Variants in NRXN3 observed in about 807,000 individuals in gnomAD.
NRXN3 encodes neurexin III.
In NRXN3, 32 loss-of-function variants were observed where a neutral mutation model predicts 137.6. The observed-to-expected ratio is 0.23, with a 90% confidence interval of 0.18 to 0.31. NRXN3 has a LOEUF of 0.31. NRXN3 is among the 10% of genes least tolerant of loss of function. The pLI, the probability that NRXN3 is intolerant of heterozygous loss-of-function variation, is 1.00. For synonymous variants in NRXN3, 798 were observed against 784.5 expected (o/e 1.02, Z -0.29); for missense variants, 1,574 against 2,062.5 (o/e 0.76, Z 4.59).
chr14:79,799,406 A>G (rs2099170216), intron 19 of NRXN3, among the ~76,000 whole-genome samples: 2 of 152,192 alleles, frequency 1.3e-5, no homozygotes, highest in Non-Finnish European at 2.9e-5. Flanking sequence ...TCTATAAACC[A>G]TGTGTAGTAG....
At chr14:79,516,034 C>T (rs1284633313) in intron 16 of NRXN3, among the ~76,000 whole-genome samples, 3 of 152,148 alleles carry the variant, frequency 2.0e-5, no homozygotes, top group African/African-American at 7.2e-5. Context: ...TAAACTGCCC[C>T]TAGAGAAAGA....
At chr14:78,614,066 T>A (rs977005918) in intron 4 of NRXN3, among the ~76,000 whole-genome samples, 1 of 152,194 alleles carries the variant, frequency 6.6e-6, no homozygotes, top group Non-Finnish European at 1.5e-5. Context: ...TTCCTGCACA[T>A]CAGTGCCGTC....
At chr14:79,760,815 G>A (rs1368002412) in intron 19 of NRXN3, 1 of 151,540 alleles carries the variant, frequency 6.6e-6, no homozygotes, top group East Asian at 1.9e-4. Context: ...CAAATTAGAA[G>A]AGCACAAAGA....
At chr14:79,811,860 C>T (rs1398203243) in intron 20 of NRXN3, among the ~76,000 whole-genome samples, 2 of 151,922 alleles carry the variant, frequency 1.3e-5, no homozygotes, top group African/African-American at 2.4e-5. Context: ...GGGATTACAG[C>T]CGTGAGCCAC....
rs575817984 is a variant in NRXN3 at position 79,777,247 on chromosome 14, T to C, written c.4015-27865T>C. On this transcript the variant is annotated intron_variant, in intron 19 of 20. Coordinates refer to ENST00000335750, the MANE Select transcript of NRXN3 (RefSeq NM_001330195.2). The stretch of plus-strand genomic sequence containing the variant: ...CAAAATAGAAAAAGCACATGTACTG[T>C]AAGGCAGTTTCTGTTTCTGATTTAA... Among the ~76,000 whole-genome samples, 55 of 152,334 alleles carry C rather than the reference T, an allele frequency of 3.6e-4. 1 individual carries two copies. The South Asian group carries it at 0.01, about 29-fold the overall frequency.
intron 19 of NRXN3, among the ~76,000 whole-genome samples, chr14:79,753,935 A>G (rs193064766): frequency 1.1e-4 from 16 of 152,246 alleles, no homozygotes; most frequent in Admixed American, 3.9e-4. Flanking sequence ...TTTAAAACAC[A>G]GTATAACAGC....
At chr14:78,965,982 G>A (rs1435366299) in intron 11 of NRXN3, 43 bp from the exon 12 acceptor site, 1 of 1,586,952 alleles carries the variant, frequency 6.3e-7, no homozygotes, top group South Asian at 1.2e-5. Context: ...TGTGATAAAT[G>A]ATGGTAACTT....
At chr14:78,773,292 A>C (rs1332664865) in intron 8 of NRXN3, among the ~76,000 whole-genome samples, 1 of 152,026 alleles carries the variant, frequency 6.6e-6, no homozygotes, top group African/African-American at 2.4e-5. Context: ...TGGGTGGGAG[A>C]GTCTGAGGGT....
intron 19 of NRXN3, among the ~76,000 whole-genome samples, chr14:79,803,374 T>C (rs899964270): frequency 3.9e-5 from 6 of 152,182 alleles, no homozygotes; most frequent in African/African-American, 1.2e-4. Context: ...CTCGAAATTC[T>C]GGAGGCTAGA....
At chr14:78,733,255 A>C (rs2098525289) in intron 8 of NRXN3, among the ~76,000 whole-genome samples, 1 of 151,354 alleles carries the variant, frequency 6.6e-6, no homozygotes, top group Non-Finnish European at 1.5e-5. Flanking sequence ...TGCTCAACAC[A>C]TTGTTGTTGA....
At chr14:78,945,285 A>C (rs996649247) in intron 10 of NRXN3, among the ~76,000 whole-genome samples, 1 of 152,064 alleles carries the variant, frequency 6.6e-6, no homozygotes. Flanking sequence ...AATTTCTTTT[A>C]ATCTGTGTTC....
intron 16 of NRXN3, among the ~76,000 whole-genome samples, chr14:79,620,066 A>G (rs1162514335): frequency 6.6e-6 from 1 of 152,104 alleles, no homozygotes; most frequent in Non-Finnish European, 1.5e-5. Context: ...AGTCTTTACA[A>G]AGTTAGCTTG....
intron 19 of NRXN3, among the ~76,000 whole-genome samples, chr14:79,699,545 G>GT (rs2098747214): frequency 6.6e-6 from 1 of 151,948 alleles, no homozygotes. Flanking sequence ...GTAATTATTG[G>GT]TTTTTTGGCT....
At chr14:79,321,665 G>T (rs1177805294) in intron 15 of NRXN3, among the ~76,000 whole-genome samples, 2 of 151,288 alleles carry the variant, frequency 1.3e-5, no homozygotes, top group Non-Finnish European at 2.9e-5. Context: ...TATAGTTCCT[G>T]GCATTGGGCA....
chr14:79,069,598 T>C lies in NRXN3; in HGVS notation c.3262+81457T>C, dbSNP rs149093651. ...AAAAGGTCAGAGAAAATACCACTTT[T>C]CTGATGAGTTAAAAAGCTATGACCT... is the stretch of plus-strand genomic sequence containing the variant. On this transcript the variant is annotated intron_variant, in intron 15 of 20. Coordinates refer to ENST00000335750, the MANE Select transcript of NRXN3 (RefSeq NM_001330195.2). Among the ~76,000 whole-genome samples, 582 of 152,036 alleles carry C rather than the reference T, an allele frequency of 3.8e-3. 20 individuals carry two copies. The East Asian group carries it at 0.083, about 22-fold the overall frequency.
At chr14:79,037,576 T>C (rs779903639) in intron 15 of NRXN3, among the ~76,000 whole-genome samples, 4 of 152,170 alleles carry the variant, frequency 2.6e-5, no homozygotes, top group African/African-American at 7.2e-5. Flanking sequence ...ATTAGTGGCC[T>C]CTACCCATCT....
intron 19 of NRXN3, among the ~76,000 whole-genome samples, chr14:79,718,586 G>T (rs1485927552): frequency 6.6e-6 from 1 of 152,086 alleles, no homozygotes; most frequent in African/African-American, 2.4e-5. Flanking sequence ...GTTTGATTGT[G>T]GTTTGAACTA....
At chr14:78,822,107 T>G (rs1260786742) in intron 10 of NRXN3, among the ~76,000 whole-genome samples, 3 of 152,186 alleles carry the variant, frequency 2.0e-5, no homozygotes, top group East Asian at 3.9e-4. Flanking sequence ...CCTCTTCATA[T>G]CTTCCTGGAC....
At chr14:78,225,982 T>TTGGG (rs1310937678) in intron 1 of NRXN3, among the ~76,000 whole-genome samples, 6 of 136,380 alleles carry the variant, frequency 4.4e-5, no homozygotes, top group African/African-American at 1.8e-4. Flanking sequence ...TTGGTGTGTG[T>TTGGG]GTGTGTGTGT....
Sources: allele counts gnomAD v4.1 joint callset (sites outside exome capture counted in the v4.1 genomes callset), GRCh38; gene constraint gnomAD v4.1.1; transcripts MANE v1.5; gene names NCBI Gene and HGNC (gene_info 2026-07-23, HGNC 2026-07-21).